The following METTL6 variants were observed in gnomAD, a reference collection of about 807,000 sequenced individuals.
The protein encoded by METTL6 is methyltransferase 6, tRNA N3-cytidine.
Under a neutral mutation model 26.4 loss-of-function variants are expected in METTL6, and 22 were observed. The observed-to-expected ratio is 0.83, with a 90% CI of 0.59 to 1.19. The LOEUF is 1.19. Among genes scored for constraint, METTL6 ranks in the 50% most tolerant of loss-of-function variants. The pLI is 0.00. For synonymous variants in METTL6, 109 were observed against 116.2 expected, an observed-to-expected ratio of 0.94 and a Z score of 0.40; for missense variants, 304 against 324.8, an observed-to-expected ratio of 0.94 and a Z score of 0.49.
intron 5 of METTL6, 25 bp downstream of exon 5, chr3:15,413,996 A>AAAG: frequency 6.2e-7 from 1 of 1,613,728 alleles, no homozygotes; most frequent in Non-Finnish European, 8.5e-7. Flanking sequence ...TAAAACATTT[A>AAAG]AAGACTGGAT....
chr3:15,413,568 T>C, intron 5 of METTL6: 1 of 1,043,360 alleles, frequency 9.6e-7, no homozygotes, highest in Non-Finnish European at 1.2e-6. Flanking sequence ...TTAGACTCTG[T>C]CTCAAAAACA....
intron 6 of METTL6, among the ~76,000 whole-genome samples, chr3:15,403,879 CT>C (rs1699713939): frequency 1.3e-5 from 2 of 152,140 alleles, no homozygotes; most frequent in South Asian, 4.1e-4. Context: ...CATGCCTCCC[CT>C]TTTTAGATCA....
rs893495485 is a variant in METTL6 at position 15,397,360 on chromosome 3, C to T, written c.*12-13173G>A. On this transcript the variant is annotated intron_variant, in intron 6 of 6. Coordinates refer to the METTL6 transcript ENST00000443029. ...GCGCAGTAGTAGGGTGGGAGTGACC[C>T]GATTTTCCAGGTGTCGTCCGTCACC... Among the ~76,000 whole-genome samples the T allele has an allele frequency of 8.5e-5, 13 of 152,182 alleles. No homozygotes were observed. In the East Asian group the frequency reaches 1.5e-3, roughly 18 times the overall value.
chr3:15,403,599 C>T (rs1267166876), intron 6 of METTL6, among the ~76,000 whole-genome samples: 2 of 152,180 alleles, frequency 1.3e-5, no homozygotes, highest in Admixed American at 6.5e-5. Flanking sequence ...CCTAGTTTAT[C>T]TTACTCTGGC....
chr3:15,427,562 A>T, upstream of METTL6: 1 of 554,074 alleles, frequency 1.8e-6, no homozygotes, highest in South Asian at 2.1e-5. Flanking sequence ...TTCCTACCCG[A>T]CGCCGGAAGT....
intron 3 of METTL6, among the ~76,000 whole-genome samples, chr3:15,418,482 T>C (rs2061540465): frequency 6.6e-6 from 1 of 152,018 alleles, no homozygotes; most frequent in African/African-American, 2.4e-5. Flanking sequence ...TAATAGAAAT[T>C]ACACAAACTG....
At chr3:15,421,930 A>G (rs1208176755) in intron 3 of METTL6, among the ~76,000 whole-genome samples, 1 of 152,148 alleles carries the variant, frequency 6.6e-6, no homozygotes, top group Non-Finnish European at 1.5e-5. Flanking sequence ...AAAATAAAAT[A>G]AAATAATTTT....
intron 4 of METTL6, 116 bp from the exon 5 acceptor site, chr3:15,414,278 C>T (rs1700096252): frequency 2.0e-6 from 3 of 1,476,476 alleles, no homozygotes; most frequent in South Asian, 1.4e-5. Flanking sequence ...GACTGAAATG[C>T]CCATAATACG....
chr3:15,401,122 C>G (rs1249837414), intron 6 of METTL6, among the ~76,000 whole-genome samples: 2 of 152,044 alleles, frequency 1.3e-5, no homozygotes, highest in Non-Finnish European at 2.9e-5. Flanking sequence ...TCACTGCAAG[C>G]TCCACCTTCC....
rs749249540 is a variant in METTL6 at position 15,415,810 on chromosome 3, G to A, written c.493C>T (p.Pro165Ser). 6.2e-7 allele frequency: 1 copy of A among 1,614,116 alleles called. No individual in the cohort carries two copies. Among genetic ancestry groups the A allele is most frequent in the Non-Finnish European group, 8.5e-7 (1 of 1,180,020 alleles). ...MLIFVLSAVH[P>S]DKMHLVLQNI... ...TGTAAGACAAGGTGCATCTTATCAG[G>A]ATGAACAGCTGACAGCACAAATATC... Residue 165 changes from proline to serine, a missense_variant, in exon 4 of 6, where the codon CCT becomes TCT. Pro to Ser is a moderately conservative substitution (Grantham distance 74). Transcript: ENST00000383790.
intron 6 of METTL6, chr3:15,399,544 T>TTGTGTGTGTGTGTGTGTG (rs34014434): frequency 8.4e-4 from 99 of 118,554 alleles, no homozygotes; most frequent in African/African-American, 3.0e-3. Context: ...CCAGGAGAAA[T>TTGTGTGTGTGTGTGTGTG]TGTGTGTGTG....
chr3:15,384,277 T>G, intron 6 of METTL6: 1 of 274,894 alleles, frequency 3.6e-6, no homozygotes, highest in Non-Finnish European at 7.1e-6. Context: ...CTCCACCTCA[T>G]GTGCTCAGAG....
At chr3:15,414,391 T>C in intron 4 of METTL6, 2 of 1,208,288 alleles carry the variant, frequency 1.7e-6, no homozygotes, top group Non-Finnish European at 2.1e-6. Context: ...AGTCTTGCTC[T>C]GTCGCCCAGG....
chr3:15,388,687 A>G (rs1017210033), intron 6 of METTL6, among the ~76,000 whole-genome samples: 1 of 152,052 alleles, frequency 6.6e-6, no homozygotes, highest in Non-Finnish European at 1.5e-5. Context: ...CAGCTGTATG[A>G]CTCCTAAACC....
chr3:15,407,895 A>G (rs1201661616), downstream of METTL6, among the ~76,000 whole-genome samples: 1 of 152,206 alleles, frequency 6.6e-6, no homozygotes. Context: ...GATTAGGGGT[A>G]GCTGCCTCAG....
In METTL6 at chr3:15,425,014, C is replaced by A. The variant is rs773640968; in HGVS notation, c.301G>T (p.Asp101Tyr). The A allele has an allele frequency of 1.9e-6, 3 of 1,614,128 alleles. No homozygotes were observed. The South Asian group carries it at 3.3e-5, about 18-fold the overall frequency. The change falls in exon 3 of 6, where the codon GAT becomes TAT. Residue 101 changes from aspartate to tyrosine, a missense_variant. By Grantham distance (160) the Asp-to-Tyr change is radical. Transcript: ENST00000383790. Reference sequence around the variant, plus strand: ...CAGGCATAGGCAAAGATATTCGGATCTTCTTCTAAAAGTGGGAATAAACAG... The same window carrying A: ...CAGGCATAGGCAAAGATATTCGGATATTCTTCTAAAAGTGGGAATAAACAG... ...GNCLFPLLEE[D>Y]PNIFAYACDF...
chr3:15,418,359 T>G (rs1468282287), intron 3 of METTL6, among the ~76,000 whole-genome samples: 2 of 152,060 alleles, frequency 1.3e-5, no homozygotes, highest in African/African-American at 4.8e-5. Flanking sequence ...ATAAAAAGAC[T>G]CTAAGAGAAA....
intron 5 of METTL6, chr3:15,413,589 C>T: frequency 8.8e-7 from 1 of 1,134,910 alleles, no homozygotes; most frequent in South Asian, 1.9e-5. Context: ...ACAAAAAAAC[C>T]AAACCCCAAA....
At position 15,410,938 on chromosome 3, in the gene METTL6, G is replaced by C; in HGVS notation, c.*318C>G. On this transcript the variant is annotated 3_prime_UTR_variant, in exon 6 of 6. Coordinates refer to ENST00000383790, the MANE Select transcript of METTL6 (RefSeq NM_152396.4). ...AACAGGGTCTCACTCTGTCGCCCAG[G>C]CTGGAGTGCAATGGCATGATCTTGG... 4.5e-6 allele frequency: 1 copy of C among 220,806 alleles called. No homozygotes were observed. The highest frequency in any genetic ancestry group is 1.0e-4 in the South Asian group (1 of 9,636). The allele number at this position is 220,806 out of a possible 1,614,324, so 13.7% of individuals were successfully genotyped here. A position where few individuals can be genotyped will look rare whatever the true frequency, so the allele number is the denominator to read the frequency against.
Sources: gnomAD v4.1 joint callset for allele counts (sites outside exome capture counted in the v4.1 genomes callset) on GRCh38, gnomAD v4.1.1 for gene constraint, MANE v1.5 for transcripts, NCBI Gene and HGNC (gene_info 2026-07-23, HGNC 2026-07-21) for gene names.